Variants in PRR14 observed in about 807,000 individuals in gnomAD.
The protein encoded by PRR14 is proline-rich protein 14.
Under a neutral mutation model 57.2 loss-of-function variants are expected in PRR14, and 33 were observed. The observed-to-expected ratio is 0.58, with a 90% CI of 0.44 to 0.77. The LOEUF (loss-of-function observed/expected upper bound fraction) is 0.77. Among genes scored for constraint, PRR14 ranks in the 30% least tolerant of loss-of-function variants. The pLI, the probability that PRR14 is intolerant of heterozygous loss-of-function variation, is 0.00. For missense variants in PRR14, 716 were observed against 788.1 expected, an observed-to-expected ratio of 0.91 and a Z score of 1.10; for synonymous variants, 303 against 314.7, an observed-to-expected ratio of 0.96 and a Z score of 0.39.
At chr16:30,654,056 G>A (rs1454963582) in intron 6 of PRR14, 174 bp from the exon 7 acceptor site, 16 of 620,234 alleles carry the variant, frequency 2.6e-5, no homozygotes, top group Non-Finnish European at 4.3e-5. Context: ...CTGAGCCTGG[G>A]AGTTCAAGGC....
Position 30,655,432 on chromosome 16 carries a change from G to T in PRR14, c.1314+12G>T. On this transcript the variant is annotated intron_variant, in intron 9 of 11. Transcript: ENST00000300835. The surrounding 1 kb of genome is among the most constrained non-coding windows in gnomAD (Gnocchi z 4.6). The stretch of plus-strand genomic sequence containing the variant: ...AACCTGAGACCAAGGTAGGCATTCA[G>T]ATCGGGTAGAAGAGACTAGTGGGGG... 6.2e-7 allele frequency: 1 copy of T among 1,614,152 alleles called. No individual in the cohort carries two copies. Among genetic ancestry groups the T allele is most frequent in the South Asian group, 1.1e-5 (1 of 91,090 alleles).
Position 30,654,114 on chromosome 16 carries a change from G to A in PRR14, c.549-116G>A, listed in dbSNP as rs1343077903. 4 of 732,208 alleles carry A rather than the reference G, an allele frequency of 5.5e-6. No homozygotes were observed. In the East Asian group the frequency reaches 7.4e-5, roughly 14 times the overall value. The allele number at this position is 732,208 out of a possible 1,614,324, so 45.4% of individuals were successfully genotyped here. A position where few individuals can be genotyped will look rare whatever the true frequency, so the allele number is the denominator to read the frequency against. On this transcript the variant is annotated intron_variant, in intron 6 of 11. Transcript: ENST00000300835. ...CCTGCACTCCAGCCTGGGCCACAGA[G>A]CAAGGCTCTGTCTCAAAAAAAAAAA...
chr16:30,655,922 A>G lies in PRR14; in HGVS notation c.1461A>G (p.Gln487=). ...AAATTTACACCAACAAGAATTACCA[A>G]TCACCCACAACCAGGAGGTGAGACA... ...LEEIYTNKNY[Q]SPTTRRTFET... Residue 487 remains glutamine (Q), a synonymous_variant, in exon 11 of 12, where the codon CAA becomes CAG. Coordinates refer to ENST00000300835, the MANE Select transcript of PRR14 (RefSeq NM_024031.5). This position sits in a 1 kb window ranked among gnomAD's most constrained non-coding sequence, Gnocchi z 4.6. 1 of 1,614,120 alleles carries G rather than the reference A, an allele frequency of 6.2e-7. No homozygotes were observed. The highest frequency in any genetic ancestry group is 8.5e-7 in the Non-Finnish European group (1 of 1,180,002).
In PRR14 at chr16:30,653,391, C is replaced by T; in HGVS notation, c.531C>T (p.Phe177=). ...GCTTCATTGATGAGACCCCCAACTT[C>T]ATCATCCCAGCACAAAGGTGAGAGG... is the stretch of plus-strand genomic sequence containing the variant. ...AEGFIDETPN[F]IIPAQRAEPM... Residue 177 remains phenylalanine, a synonymous_variant, in exon 6 of 12, where the codon TTC becomes TTT. Coordinates refer to ENST00000300835, the MANE Select transcript of PRR14 (RefSeq NM_024031.5). 1 of 1,613,810 alleles carries T rather than the reference C, an allele frequency of 6.2e-7. No individual in the cohort carries two copies. The highest frequency in any genetic ancestry group is 2.2e-5 in the East Asian group (1 of 44,898).
chr16:30,654,104 G>A (rs1028596852), intron 6 of PRR14, 126 bp from the exon 7 acceptor site: 1 of 700,268 alleles, frequency 1.4e-6, no homozygotes, highest in African/African-American at 1.8e-5. Flanking sequence ...ACTCCAGCCT[G>A]GGCCACAGAG....
chr16:30,655,586 C>T lies in PRR14; in HGVS notation c.1399C>T (p.Pro467Ser). The T allele has an allele frequency of 5.0e-6, 8 of 1,614,088 alleles. No individual in the cohort carries two copies. The highest frequency in any genetic ancestry group is 6.8e-6 in the Non-Finnish European group (8 of 1,179,944). Residue 467 changes from proline to serine, a missense_variant, in exon 10 of 12, where the codon CCA (proline) becomes TCA (serine). Transcript: ENST00000300835. This position sits in a 1 kb window ranked among gnomAD's most constrained non-coding sequence, Gnocchi z 4.6. ...CCTTACACCAATGGGACTGCCTCGA[C>T]CAATCAGGTGAGGGGCTCACTGGGC... ...LNLTPMGLPRPIRLNKKEFSL... is the reference protein window; with the variant it reads ...LNLTPMGLPRSIRLNKKEFSL...
At chr16:30,653,202 G>C in intron 5 of PRR14, 99 bp downstream of exon 5, 1 of 1,398,880 alleles carries the variant, frequency 7.1e-7, no homozygotes, top group Non-Finnish European at 9.9e-7. Context: ...TTCTTGGGGT[G>C]AGGAGGATGG....
At chr16:30,652,498 T>C in intron 3 of PRR14, 2 of 624,414 alleles carry the variant, frequency 3.2e-6, no homozygotes, top group South Asian at 3.9e-5. Flanking sequence ...TTCATTTCTC[T>C]AAACAGCGTG....
chr16:30,652,864 T>C, intron 4 of PRR14, 22 bp downstream of exon 4: 1 of 1,613,794 alleles, frequency 6.2e-7, no homozygotes, highest in East Asian at 2.2e-5. Context: ...AGGATGGGGG[T>C]AAGCCGAGGG....
At position 30,651,898 on chromosome 16, in the gene PRR14, TC is replaced by T; in HGVS notation, c.130del (p.Leu44TrpfsTer13). On this transcript the variant is annotated frameshift_variant, in exon 3 of 12. Transcript: ENST00000300835. LOFTEE classifies it high-confidence loss of function. This position sits in a 1 kb window ranked among gnomAD's most constrained non-coding sequence, Gnocchi z 5.0. Reference sequence around the variant, plus strand: ...GGCTGCAGCTCCCGGGGGCCCCTTCTCCCCTGGAAAAGGCCTCTCGGCGGGT... The same window carrying T: ...GGCTGCAGCTCCCGGGGGCCCCTTCTCCCTGGAAAAGGCCTCTCGGCGGGT... The part of the protein sequence containing the change: ...PRLQLPGAPS[P>X]LEKASRRVLA... 6.3e-7 allele frequency: 1 copy of T among 1,599,024 alleles called. No individual in the cohort carries two copies. Among genetic ancestry groups the T allele is most frequent in the Non-Finnish European group, 8.5e-7 (1 of 1,173,058 alleles).
In PRR14 at chr16:30,655,740, C is replaced by A. The variant is rs756632267; in HGVS notation, c.1407-128C>A. ...GGGGATGGTTTGTGCTCAAAATTGC[C>A]TGTCTGCCTTATGTAGCACTCCTGG... On this transcript the variant is annotated intron_variant, in intron 10 of 11. Transcript: ENST00000300835. The surrounding 1 kb of genome is among the most constrained non-coding windows in gnomAD (Gnocchi z 4.6). The A allele has an allele frequency of 7.7e-6, 10 of 1,305,658 alleles. No individual in the cohort carries two copies. The highest frequency in any genetic ancestry group is 1.8e-4 in the Middle Eastern group (1 of 5,500). The allele number at this position is 1,305,658 out of a possible 1,614,324, so 80.9% of individuals were successfully genotyped here.
In PRR14 at chr16:30,652,455, A is replaced by G; in HGVS notation, c.193-266A>G. 5.1e-6 allele frequency: 3 copies of G among 582,812 alleles called. No homozygotes were observed. In the South Asian group the frequency reaches 5.8e-5, roughly 11 times the overall value. The allele number at this position is 582,812 out of a possible 1,614,324, so 36.1% of individuals were successfully genotyped here. On this transcript the variant is annotated intron_variant, in intron 3 of 11. Transcript: ENST00000300835. ...CAGATAAGAAAAACTGGCCCAAAAA[A>G]GGCAGTGACCCACCCTAGCTCACCC...
chr16:30,655,041 ACGGCCG>A lies in PRR14; in HGVS notation c.1076_1081del (p.Pro359_Arg360del). 6.2e-7 allele frequency: 1 copy of A among 1,610,630 alleles called. No individual in the cohort carries two copies. Among genetic ancestry groups the A allele is most frequent in the Non-Finnish European group, 8.5e-7 (1 of 1,179,754 alleles). On this transcript the variant is annotated inframe_deletion, in exon 8 of 12. Transcript: ENST00000300835. This position sits in a 1 kb window ranked among gnomAD's most constrained non-coding sequence, Gnocchi z 4.6. ...CTGCTCCACCCCAACCAAGCCGACC[ACGGCCG>A]CGGCGGCACACTGTGGGTGGTGGGG... is the stretch of plus-strand genomic sequence containing the variant.
At chr16:30,650,871 G>A (rs1172750829), upstream of PRR14, 1 of 364,388 alleles carries the variant, frequency 2.7e-6, no homozygotes, top group Admixed American at 2.8e-5. Flanking sequence ...GGCGGGGAAG[G>A]AAACTTCTGA....
At position 30,651,869 on chromosome 16, in the gene PRR14, C is replaced by T; in HGVS notation, c.97C>T (p.Pro33Ser). The change falls in exon 3 of 12, where the codon CCG (proline) becomes TCG (serine). Residue 33 changes from proline (P) to serine (S), a missense_variant. Coordinates refer to ENST00000300835, the MANE Select transcript of PRR14 (RefSeq NM_024031.5). The surrounding 1 kb of genome is among the most constrained non-coding windows in gnomAD (Gnocchi z 5.0). The part of the protein sequence containing the change: ...ALWGARSPKR[P>S]RLQLPGAPSP... ...ATGGGGAGCCAGGAGCCCGAAACGG[C>T]CGAGGCTGCAGCTCCCGGGGGCCCC... is the stretch of plus-strand genomic sequence containing the variant. 6.2e-7 allele frequency: 1 copy of T among 1,607,320 alleles called. No homozygotes were observed. Among genetic ancestry groups the T allele is most frequent in the South Asian group, 1.1e-5 (1 of 90,884 alleles).
At chr16:30,653,185 T>A in intron 5 of PRR14, 82 bp downstream of exon 5, 1 of 1,458,064 alleles carries the variant, frequency 6.9e-7, no homozygotes, top group Non-Finnish European at 9.3e-7. Flanking sequence ...GAGTCTTAGG[T>A]GGGTTTTTCT....
Position 30,651,763 on chromosome 16 carries a change from G to C in PRR14, c.24-33G>C, listed in dbSNP as rs1199016964. The C allele has an allele frequency of 1.9e-6, 3 of 1,609,286 alleles. No individual in the cohort carries two copies. The highest frequency in any genetic ancestry group is 4.5e-5 in the East Asian group (2 of 44,882). ...AAACTACAGAGCCAGCGACAGGTTC[G>C]GGCGACCGTCCTCTGCTTCTTTCAC... On this transcript the variant is annotated intron_variant, in intron 2 of 11. Coordinates refer to ENST00000300835, the MANE Select transcript of PRR14 (RefSeq NM_024031.5). This position sits in a 1 kb window ranked among gnomAD's most constrained non-coding sequence, Gnocchi z 5.0.
Position 30,655,201 on chromosome 16 carries a change from C to T in PRR14, c.1231C>T (p.Pro411Ser). The T allele has an allele frequency of 6.3e-7, 1 of 1,592,370 alleles. No homozygotes were observed. Residue 411 changes from proline to serine, a missense_variant, in exon 8 of 12, where the codon CCA (proline) becomes TCA (serine). By Grantham distance (74) the Pro-to-Ser change is moderately conservative. Coordinates refer to ENST00000300835, the MANE Select transcript of PRR14 (RefSeq NM_024031.5). The surrounding 1 kb of genome is among the most constrained non-coding windows in gnomAD (Gnocchi z 4.6). ...SSTASTSFSE[P>S]AEPRLGSTKG... is the part of the protein sequence containing the mutation. ...CACGGCATCCACTTCCTTCTCCGAACCAGCAGAACCCAGGTAGTGCTCTCA... is the reference window on the plus strand; with the variant it reads ...CACGGCATCCACTTCCTTCTCCGAATCAGCAGAACCCAGGTAGTGCTCTCA...
rs763208027 is a variant in PRR14 at position 30,655,045 on chromosome 16, C to T, written c.1075C>T (p.Pro359Ser). The T allele has an allele frequency of 2.5e-6, 4 of 1,610,798 alleles. No homozygotes were observed. The highest frequency in any genetic ancestry group is 3.4e-6 in the Non-Finnish European group (4 of 1,179,798). ...PAPPQPSRPR[P>S]RRHTVGGGEM... ...TCCACCCCAACCAAGCCGACCACGG[C>T]CGCGGCGGCACACTGTGGGTGGTGG... The change falls in exon 8 of 12, where the codon CCG becomes TCG. Residue 359 changes from proline (P) to serine (S), a missense_variant. Transcript: ENST00000300835. This position sits in a 1 kb window ranked among gnomAD's most constrained non-coding sequence, Gnocchi z 4.6.
Sources: gnomAD v4.1 joint callset for allele counts on GRCh38, gnomAD v4.1.1 for gene constraint, Gnocchi (gnomAD v3.1) non-coding constraint, MANE v1.5 for transcripts, NCBI Gene and HGNC (gene_info 2026-07-23, HGNC 2026-07-21) for gene names.